FBP2: variants seen among roughly 807,000 people sequenced by gnomAD.
FBP2 encodes fructose-bisphosphatase 2.
FBP2 carries 27 observed loss-of-function variants against 31.6 expected under a neutral mutation model. That is an observed-to-expected ratio of 0.85 (90% confidence interval 0.63 to 1.18). FBP2 has a LOEUF of 1.18. FBP2 is among the 50% of genes most tolerant of loss of function. FBP2 has a pLI of 0.00. For synonymous variants in FBP2, 168 were observed against 179.8 expected (o/e 0.93, Z 0.53); for missense variants, 421 against 436.1 (o/e 0.97, Z 0.31).
chr9:94,590,340 TAAG>T (rs1034883522), intron 1 of FBP2, among the ~76,000 whole-genome samples: 3 of 152,098 alleles, frequency 2.0e-5, no homozygotes, highest in Admixed American at 1.3e-4. Context: ...GTTCCCACCA[TAAG>T]AAGAGGAAAG....
chr9:94,569,209 G>T (rs954543298), intron 4 of FBP2: 1 of 152,216 alleles, frequency 6.6e-6, no homozygotes, highest in African/African-American at 2.4e-5. Flanking sequence ...AATGAGATAC[G>T]CCTCCCTAGG....
chr9:94,560,581 C>T (rs1305228567), intron 6 of FBP2, among the ~76,000 whole-genome samples: 1 of 152,026 alleles, frequency 6.6e-6, no homozygotes, highest in African/African-American at 2.4e-5. Flanking sequence ...ATGGTTGACC[C>T]AGCTATGTGC....
intron 1 of FBP2, among the ~76,000 whole-genome samples, chr9:94,589,828 C>T (rs1268778822): frequency 6.6e-6 from 1 of 151,786 alleles, no homozygotes; most frequent in Non-Finnish European, 1.5e-5. Flanking sequence ...CTAGCAGCCT[C>T]ACCCCAAAGA....
chr9:94,566,476 T>C (rs1463056757), intron 5 of FBP2, among the ~76,000 whole-genome samples: 1 of 152,262 alleles, frequency 6.6e-6, no homozygotes, highest in East Asian at 1.9e-4. Context: ...ATCCCTTCCT[T>C]TCCCATAAGG....
intron 4 of FBP2, chr9:94,570,308 G>C (rs185050026): frequency 6.6e-6 from 1 of 152,346 alleles, no homozygotes; most frequent in Admixed American, 6.5e-5. Context: ...TAGTGTGGTA[G>C]AGTAATTAAA....
At chr9:94,570,243 C>G (rs1456187148) in intron 4 of FBP2, 3 of 152,174 alleles carry the variant, frequency 2.0e-5, no homozygotes, top group Non-Finnish European at 4.4e-5. Context: ...TAGAACTGCT[C>G]AGAATGTTCA....
In FBP2 at chr9:94,593,768, C is replaced by T. The variant is rs751215910; in HGVS notation, c.-42G>A. On this transcript the variant is annotated 5_prime_UTR_variant, in exon 1 of 7. Transcript: ENST00000375337. ...CAAATCCTTTTCTCCCGGCAGGAAA[C>T]CTTGCTTACTTCTGAGGGCTGCAGC... 6.2e-7 allele frequency: 1 copy of T among 1,607,364 alleles called. No homozygotes were observed.
At chr9:94,565,986 T>C (rs1326074358) in intron 5 of FBP2, among the ~76,000 whole-genome samples, 1 of 152,190 alleles carries the variant, frequency 6.6e-6, no homozygotes, top group Non-Finnish European at 1.5e-5. Flanking sequence ...GAGAGTGTTC[T>C]GAGAAAGCCA....
chr9:94,562,816 C>A (rs1195870095), intron 6 of FBP2, among the ~76,000 whole-genome samples: 1 of 152,150 alleles, frequency 6.6e-6, no homozygotes, highest in Admixed American at 6.5e-5. Context: ...ACTACCTTTC[C>A]AGATATATTG....
chr9:94,587,505 G>A, intron 1 of FBP2, 36 bp from the exon 2 acceptor site: 10 of 1,608,378 alleles, frequency 6.2e-6, no homozygotes, highest in Non-Finnish European at 8.5e-6. Flanking sequence ...GAAGTCACTA[G>A]GGGGTCTTAA....
intron 6 of FBP2, among the ~76,000 whole-genome samples, chr9:94,561,921 T>G (rs1827111259): frequency 6.6e-6 from 1 of 152,210 alleles, no homozygotes; most frequent in Non-Finnish European, 1.5e-5. Flanking sequence ...ATGTGAGTAT[T>G]TTCTGACTCA....
chr9:94,590,572 T>C (rs1827484874), intron 1 of FBP2, among the ~76,000 whole-genome samples: 5 of 152,128 alleles, frequency 3.3e-5, no homozygotes, highest in Admixed American at 3.3e-4. Context: ...GAGTTGTTCG[T>C]TCCTCCCAGT....
At chr9:94,582,280 C>T (rs1489318070) in intron 3 of FBP2, among the ~76,000 whole-genome samples, 1 of 152,130 alleles carries the variant, frequency 6.6e-6, no homozygotes, top group Non-Finnish European at 1.5e-5. Flanking sequence ...TTATTCAATA[C>T]ACATATGTCA....
chr9:94,566,090 A>G (rs112654536), intron 5 of FBP2, among the ~76,000 whole-genome samples: 2 of 152,210 alleles, frequency 1.3e-5, no homozygotes, highest in Admixed American at 6.5e-5. Flanking sequence ...AACAATGGCA[A>G]TTTTGCAAGA....
chr9:94,563,264 C>T lies in FBP2; in HGVS notation c.825+78G>A, dbSNP rs944213371. 6 of 1,522,558 alleles carry T rather than the reference C, an allele frequency of 3.9e-6. No homozygotes were observed. The Admixed American group carries it at 1.1e-4, about 29-fold the overall frequency. The allele number at this position is 1,522,558 out of a possible 1,614,324, so 94.3% of individuals were successfully genotyped here. A position where few individuals can be genotyped will look rare whatever the true frequency, so the allele number is the denominator to read the frequency against. ...GACATGCCATGAAGCAGTGCAGTAGCCAAACAGCAGGTGTGACGGGAGGGA... is the reference window on the plus strand; with the variant it reads ...GACATGCCATGAAGCAGTGCAGTAGTCAAACAGCAGGTGTGACGGGAGGGA... On this transcript the variant is annotated intron_variant, in intron 6 of 6. Coordinates refer to ENST00000375337, the MANE Select transcript of FBP2 (RefSeq NM_003837.4).
chr9:94,582,936 CCT>C (rs1214056317), intron 3 of FBP2, among the ~76,000 whole-genome samples: 1 of 148,196 alleles, frequency 6.7e-6, no homozygotes, highest in East Asian at 2.0e-4. Flanking sequence ...CTCACTGCAA[CCT>C]CTGCCCCCGG....
Position 94,567,377 on chromosome 9 carries a change from C to A in FBP2, c.598G>T (p.Asp200Tyr). 6.2e-7 allele frequency: 1 copy of A among 1,614,124 alleles called. No individual in the cohort carries two copies. The highest frequency in any genetic ancestry group is 8.5e-7 in the Non-Finnish European group (1 of 1,180,010). Residue 200 changes from aspartate to tyrosine, a missense_variant, in exon 5 of 7, where the codon GAT becomes TAT. By Grantham distance (160) the Asp-to-Tyr change is radical. Transcript: ENST00000375337. ...ALGEFVLVEK[D>Y]VKIKKKGKIY... ...TTTCCTTTCTTCTTAATCTTGACAT[C>A]TTTTTCCACCAGGACAAATTCACCA...
At chr9:94,563,651 T>C (rs1277473691) in intron 5 of FBP2, among the ~76,000 whole-genome samples, 190 bp from the exon 6 acceptor site, 2 of 152,150 alleles carry the variant, frequency 1.3e-5, no homozygotes, top group Admixed American at 6.5e-5. Flanking sequence ...AACCTTACCT[T>C]GTGACTGGAC....
intron 3 of FBP2, among the ~76,000 whole-genome samples, chr9:94,579,397 CAAAAAAAAAAAA>C (rs35098649): frequency 1.5e-5 from 1 of 66,742 alleles, no homozygotes; most frequent in Non-Finnish European, 2.7e-5. Flanking sequence ...GACTCTGTCT[CAAAAAAAAAAAA>C]AAAAAAAAAA....
Sources: gnomAD v4.1 joint callset for allele counts (sites outside exome capture counted in the v4.1 genomes callset) on GRCh38, gnomAD v4.1.1 for gene constraint, MANE v1.5 for transcripts, NCBI Gene and HGNC (gene_info 2026-07-23, HGNC 2026-07-21) for gene names.